EFCAB14: variants seen among roughly 807,000 people sequenced by gnomAD.
EFCAB14 encodes EF-hand calcium binding domain 14.
A neutral mutation model predicts 56.5 loss-of-function variants in EFCAB14; 43 were observed. That is an observed-to-expected ratio of 0.76 (90% CI 0.60 to 0.98). The LOEUF (loss-of-function observed/expected upper bound fraction) is 0.98. Among genes scored for constraint, EFCAB14 ranks in the 50% least tolerant of loss-of-function variants. The pLI is 0.00. For missense variants in EFCAB14, 538 were observed against 580.3 expected, an observed-to-expected ratio of 0.93 and a Z score of 0.75; for synonymous variants, 235 against 212.9, an observed-to-expected ratio of 1.10 and a Z score of -0.90.
chr1:46,717,128 C>T (rs1305683836), intron 1 of EFCAB14, among the ~76,000 whole-genome samples: 3 of 152,206 alleles, frequency 2.0e-5, no homozygotes, highest in African/African-American at 7.2e-5. Context: ...ACAGCCTTAG[C>T]TGACAAAGCT....
intron 2 of EFCAB14, among the ~76,000 whole-genome samples, chr1:46,709,267 C>T (rs1327815268): frequency 6.6e-6 from 1 of 152,208 alleles, no homozygotes; most frequent in East Asian, 1.9e-4. Context: ...CCTACCTCTT[C>T]AACCTACTTG....
chr1:46,689,289 T>C (rs1230418289), intron 6 of EFCAB14, among the ~76,000 whole-genome samples: 1 of 152,212 alleles, frequency 6.6e-6, no homozygotes, highest in Non-Finnish European at 1.5e-5. Flanking sequence ...CCTGCCCAGA[T>C]AGCTATTTTT....
At chr1:46,683,004 T>TA (rs570888813) in intron 10 of EFCAB14, among the ~76,000 whole-genome samples, 12 of 140,450 alleles carry the variant, frequency 8.5e-5, no homozygotes, top group Middle Eastern at 3.9e-3. Context: ...CCTGGGGGTC[T>TA]AAAAAAAAAG....
At chr1:46,686,739 C>A (rs60098765) in intron 8 of EFCAB14, 45 bp downstream of exon 8, 1 of 1,573,894 alleles carries the variant, frequency 6.4e-7, no homozygotes, top group South Asian at 1.1e-5. Context: ...CACAGAGATG[C>A]TGCTGCATTT....
At position 46,719,055 on chromosome 1, in the gene EFCAB14, T is replaced by TGCG. The variant is rs956975505; in HGVS notation, c.-971_-969dup. 5.0e-5 allele frequency: 8 copies of TGCG among 158,778 alleles called. No individual in the cohort carries two copies. Among genetic ancestry groups the TGCG allele is most frequent in the South Asian group, 3.4e-4 (2 of 5,840 alleles). The allele number at this position is 158,778 out of a possible 1,614,324, so 9.8% of individuals were successfully genotyped here. On this transcript the variant is annotated 5_prime_UTR_variant, in exon 1 of 11. Coordinates refer to ENST00000371933, the MANE Select transcript of EFCAB14 (RefSeq NM_014774.3). The surrounding 1 kb of genome is among the most constrained non-coding windows in gnomAD (Gnocchi z 4.0). The stretch of plus-strand genomic sequence containing the variant: ...TGTTGTTGGCGTTGGTGGCGGCGGC[T>TGCG]GCGGCGGCGGCGGCCGCGAGCTCCA...
intron 10 of EFCAB14, among the ~76,000 whole-genome samples, 176 bp from the exon 11 acceptor site, chr1:46,678,812 A>G (rs618878): frequency 0.4 from 57,468 of 145,172 alleles, 12,763 homozygotes; most frequent in East Asian, 0.78. Flanking sequence ...GATCCCTTAA[A>G]AATATATTAA....
intron 5 of EFCAB14, among the ~76,000 whole-genome samples, chr1:46,690,966 T>C (rs1676981412): frequency 1.3e-5 from 2 of 152,220 alleles, no homozygotes; most frequent in East Asian, 1.9e-4. Context: ...GTGCCTTGAA[T>C]AGTCCTGATT....
chr1:46,685,178 T>C (rs1676860402), intron 8 of EFCAB14: 1 of 152,272 alleles, frequency 6.6e-6, no homozygotes, highest in African/African-American at 2.4e-5. Flanking sequence ...CTGTAATATT[T>C]CTAATTCAAA....
intron 2 of EFCAB14, among the ~76,000 whole-genome samples, chr1:46,713,787 G>A (rs920140388): frequency 3.3e-5 from 5 of 152,076 alleles, no homozygotes; most frequent in African/African-American, 9.7e-5. Flanking sequence ...GAGAGATGAC[G>A]GCACAGACAG....
At chr1:46,681,306 G>T in intron 10 of EFCAB14, among the ~76,000 whole-genome samples, 1 of 152,180 alleles carries the variant, frequency 6.6e-6, no homozygotes, top group East Asian at 1.9e-4. Context: ...TAATCAAATA[G>T]AAGATTTAAT....
intron 4 of EFCAB14, among the ~76,000 whole-genome samples, chr1:46,695,643 G>A (rs1677068408): frequency 6.6e-6 from 1 of 152,128 alleles, no homozygotes; most frequent in African/African-American, 2.4e-5. Context: ...GTCAGGGGAT[G>A]ATGTTCTTTA....
chr1:46,694,312 T>G (rs890299487), intron 4 of EFCAB14, among the ~76,000 whole-genome samples: 5 of 151,894 alleles, frequency 3.3e-5, no homozygotes, highest in African/African-American at 1.2e-4. Context: ...TGGAAGAAAA[T>G]TTTTGCAATC....
rs546745822 is a variant in EFCAB14 at position 46,705,086 on chromosome 1, A to G, written c.480+2820T>C. Among the ~76,000 whole-genome samples, 144 of 152,336 alleles carry G rather than the reference A, an allele frequency of 9.5e-4. 1 individual carries two copies. The highest frequency in any genetic ancestry group is 3.3e-3 in the African/African-American group (137 of 41,574). ...AGTTAAATATTACTTTAATTTTTCT[A>G]CCTACTTTGGTTTAGGACAGATGCC... On this transcript the variant is annotated intron_variant, in intron 3 of 10. Transcript: ENST00000371933.
rs570564025 is a variant in EFCAB14, at chr1:46,677,089, A to C, written c.*1372T>G. 6.5e-6 allele frequency: 1 copy of C among 152,784 alleles called. No homozygotes were observed. The highest frequency in any genetic ancestry group is 1.9e-4 in the East Asian group (1 of 5,188). 9.5% of individuals were successfully genotyped at this position (152,784 alleles called of 1,614,324 possible). A position where few individuals can be genotyped will look rare whatever the true frequency, so the allele number is the denominator to read the frequency against. ...TGCCCAAAGACTGCTTCTAAGAACA[A>C]CACAGCAATTCTAGACTCAACATAC... On this transcript the variant is annotated 3_prime_UTR_variant, in exon 11 of 11. Coordinates refer to ENST00000371933, the MANE Select transcript of EFCAB14 (RefSeq NM_014774.3).
chr1:46,718,117 C>G lies in EFCAB14; in HGVS notation c.-30G>C. The G allele has an allele frequency of 4.4e-6, 7 of 1,606,190 alleles. No homozygotes were observed. Among genetic ancestry groups the G allele is most frequent in the Non-Finnish European group, 6.0e-6 (7 of 1,174,632 alleles). On this transcript the variant is annotated 5_prime_UTR_variant, in exon 1 of 11. Transcript: ENST00000371933. ...TTGTGTGGGGTGAGTGGAGCCCCGA[C>G]TCCTGAGCTGCCAGGTTCGTACCCG...
At chr1:46,716,871 A>G (rs201278985) in intron 1 of EFCAB14, among the ~76,000 whole-genome samples, 43 of 152,374 alleles carry the variant, frequency 2.8e-4, no homozygotes, top group African/African-American at 1.0e-3. Context: ...GAAACTTTAT[A>G]AACTTTTGAG....
intron 10 of EFCAB14, among the ~76,000 whole-genome samples, chr1:46,682,826 C>T (rs550817997): frequency 6.6e-6 from 1 of 152,298 alleles, no homozygotes; most frequent in African/African-American, 2.4e-5. Context: ...GAGTTCAAGA[C>T]CAGCCTGGCC....
At chr1:46,712,404 G>C (rs1677322927) in intron 2 of EFCAB14, among the ~76,000 whole-genome samples, 1 of 151,728 alleles carries the variant, frequency 6.6e-6, no homozygotes, top group Non-Finnish European at 1.5e-5. Context: ...TGAAGTATCT[G>C]GTTTTGGAAA....
intron 4 of EFCAB14, among the ~76,000 whole-genome samples, chr1:46,693,500 C>T (rs1025105394): frequency 9.9e-5 from 15 of 152,150 alleles, no homozygotes; most frequent in African/African-American, 3.6e-4. Context: ...AGAGACAACA[C>T]ACTGGGTAAA....
Sources: allele counts gnomAD v4.1 joint callset (sites outside exome capture counted in the v4.1 genomes callset), GRCh38; gene constraint gnomAD v4.1.1; non-coding constraint Gnocchi (gnomAD v3.1); transcripts MANE v1.5; gene names NCBI Gene and HGNC (gene_info 2026-07-23, HGNC 2026-07-21).